The following PCDHA2 variants were observed in gnomAD, a reference collection of about 807,000 sequenced individuals.
PCDHA2 encodes protocadherin alpha 2, also known as protocadherin alpha-2.
In PCDHA2, 58 loss-of-function variants were observed where a neutral mutation model predicts 66.0. That is an observed-to-expected ratio of 0.88 (90% confidence interval 0.71 to 1.09). The LOEUF is 1.09. Ranked by LOEUF, PCDHA2 falls within the 50% of genes least tolerant of loss-of-function variation. The pLI is 0.00. For missense variants in PCDHA2, 1,267 were observed against 1,242.3 expected, an observed-to-expected ratio of 1.02 and a Z score of -0.30; for synonymous variants, 634 against 554.0, an observed-to-expected ratio of 1.14 and a Z score of -2.03.
At chr5:140,990,025 T>C (rs2097371572) in intron 3 of PCDHA2, among the ~76,000 whole-genome samples, 1 of 151,914 alleles carries the variant, frequency 6.6e-6, no homozygotes, top group African/African-American at 2.4e-5. Flanking sequence ...AGGCAAAGGA[T>C]GGGAGAAGTC....
intron 1 of PCDHA2, among the ~76,000 whole-genome samples, chr5:140,924,429 A>G (rs1331551212): frequency 6.6e-6 from 1 of 152,184 alleles, no homozygotes; most frequent in Non-Finnish European, 1.5e-5. Flanking sequence ...CTAGTTCCCT[A>G]GAAGAGATAA....
chr5:140,796,927 G>T lies in PCDHA2; in HGVS notation c.1963G>T (p.Gly655Cys), dbSNP rs1246364353. The T allele has an allele frequency of 6.2e-7, 1 of 1,613,830 alleles. No homozygotes were observed. Among genetic ancestry groups the T allele is most frequent in the Non-Finnish European group, 8.5e-7 (1 of 1,179,992 alleles). ...HRLLVLVKDH[G>C]EPALTATATV... is the part of the protein sequence containing the mutation. The stretch of plus-strand genomic sequence containing the variant: ...CCTACTCGTGCTGGTGAAGGACCAC[G>T]GCGAACCAGCGTTGACAGCCACGGC... Residue 655 changes from glycine to cysteine, a missense_variant, in exon 1 of 4, where the codon GGC (glycine) becomes TGC (cysteine). Coordinates refer to ENST00000526136, the MANE Select transcript of PCDHA2 (RefSeq NM_018905.3).
chr5:140,908,492 T>G (rs1241563422), intron 1 of PCDHA2, among the ~76,000 whole-genome samples: 3 of 152,226 alleles, frequency 2.0e-5, no homozygotes, highest in African/African-American at 7.2e-5. Context: ...CAGTTCAGGT[T>G]GCTTGGTGAC....
intron 1 of PCDHA2, chr5:140,803,085 G>A: frequency 6.2e-7 from 1 of 1,613,924 alleles, no homozygotes; most frequent in African/African-American, 1.3e-5. Context: ...GTACACGGGA[G>A]AGATCAGCAC....
At chr5:140,983,171 C>T (rs1371766725) in intron 3 of PCDHA2, among the ~76,000 whole-genome samples, 2 of 152,136 alleles carry the variant, frequency 1.3e-5, no homozygotes, top group Non-Finnish European at 2.9e-5. Flanking sequence ...AACATGACCG[C>T]CTCACAATTT....
intron 1 of PCDHA2, among the ~76,000 whole-genome samples, chr5:140,903,405 G>A (rs2070271184): frequency 6.6e-6 from 1 of 152,184 alleles, no homozygotes; most frequent in Non-Finnish European, 1.5e-5. Flanking sequence ...CAGTAGTGCA[G>A]TCAGGAAAAA....
chr5:140,928,288 C>T (rs541893248), intron 1 of PCDHA2: 37 of 1,614,156 alleles, frequency 2.3e-5, no homozygotes, highest in East Asian at 4.5e-5. Flanking sequence ...CTCTCTAGGC[C>T]GAGTGTTTGC....
At position 140,852,858 on chromosome 5, in the gene PCDHA2, A is replaced by G; in HGVS notation, c.2388+55506A>G. ...TAGAGCTAGTACTTACTAAGCATTT[A>G]CTATGTCATCAATAATCATAAAACG... On this transcript the variant is annotated intron_variant, in intron 1 of 3. Transcript: ENST00000526136. 4 of 962,678 alleles carry G rather than the reference A, an allele frequency of 4.2e-6. 1 individual carries two copies. The highest frequency in any genetic ancestry group is 5.0e-6 in the Non-Finnish European group (4 of 796,824). The allele number at this position is 962,678 out of a possible 1,614,324, so 59.6% of individuals were successfully genotyped here. A position where few individuals can be genotyped will look rare whatever the true frequency, so the allele number is the denominator to read the frequency against.
intron 1 of PCDHA2, chr5:140,929,151 T>C: frequency 6.2e-7 from 1 of 1,614,202 alleles, no homozygotes; most frequent in East Asian, 2.2e-5. Context: ...TTTCTCAGAC[T>C]TATCTCTATC....
At chr5:140,960,511 C>T (rs2153725482) in intron 1 of PCDHA2, among the ~76,000 whole-genome samples, 1 of 152,156 alleles carries the variant, frequency 6.6e-6, no homozygotes, top group East Asian at 1.9e-4. Context: ...AAGCAGCAAA[C>T]ATAATGGGTA....
At chr5:140,914,290 T>A (rs1412561039) in intron 1 of PCDHA2, among the ~76,000 whole-genome samples, 1 of 152,200 alleles carries the variant, frequency 6.6e-6, no homozygotes, top group Non-Finnish European at 1.5e-5. Context: ...AATTGTTATA[T>A]CCTCTTGCTG....
intron 1 of PCDHA2, chr5:140,835,681 C>T (rs2150132521): frequency 6.2e-7 from 1 of 1,613,918 alleles, no homozygotes; most frequent in Non-Finnish European, 8.5e-7. Flanking sequence ...GGGGGCTCGC[C>T]TTCTCTGTGG....
In PCDHA2 at chr5:140,872,848, A is replaced by G. The variant is rs531539520; in HGVS notation, c.2388+75496A>G. ...AGCAGAGAAAAAATTAAATATATTA[A>G]TGTGAGTACCTACTGACAATTATCA... On this transcript the variant is annotated intron_variant, in intron 1 of 3. Transcript: ENST00000526136. Among the ~76,000 whole-genome samples the G allele has an allele frequency of 3.3e-5, 5 of 152,332 alleles. No individual in the cohort carries two copies. The South Asian group carries it at 1.0e-3, about 32-fold the overall frequency.
rs1554204719 is a variant in PCDHA2, at chr5:140,927,550, A to G, written c.2389-51399A>G. 4.3e-6 allele frequency: 7 copies of G among 1,614,020 alleles called. No homozygotes were observed. In the Admixed American group the frequency reaches 8.3e-5, roughly 19 times the overall value. ...TGCCCGCTCAGGAGACGCACAAGTC[A>G]CCATCATTGTGGTGGACACAAATGA... On this transcript the variant is annotated intron_variant, in intron 1 of 3. Coordinates refer to ENST00000526136, the MANE Select transcript of PCDHA2 (RefSeq NM_018905.3).
At chr5:140,928,115 T>A (rs2084949063) in intron 1 of PCDHA2, 1 of 1,614,164 alleles carries the variant, frequency 6.2e-7, no homozygotes, top group East Asian at 2.2e-5. Flanking sequence ...CGGGAGCAGA[T>A]CAGTGAATAC....
At position 140,858,811 on chromosome 5, in the gene PCDHA2, T is replaced by A. The variant is rs2045603382; in HGVS notation, c.2388+61459T>A. The A allele has an allele frequency of 1.4e-5, 5 of 354,112 alleles. No homozygotes were observed. The South Asian group carries it at 1.7e-4, about 12-fold the overall frequency. The allele number at this position is 354,112 out of a possible 1,614,324, so 21.9% of individuals were successfully genotyped here. A position where few individuals can be genotyped will look rare whatever the true frequency, so the allele number is the denominator to read the frequency against. ...TTTCATTTCCAATCTAAATTTTGAT[T>A]TGATTGTATTTGCATTACCAAAAAA... On this transcript the variant is annotated intron_variant, in intron 1 of 3. Transcript: ENST00000526136.
chr5:141,001,130 T>C (rs1233424080), intron 3 of PCDHA2, among the ~76,000 whole-genome samples: 1 of 152,036 alleles, frequency 6.6e-6, no homozygotes, highest in African/African-American at 2.4e-5. Context: ...CTTAAACAAA[T>C]GAATCTTCTG....
intron 1 of PCDHA2, among the ~76,000 whole-genome samples, chr5:140,895,352 G>A (rs1322887367): frequency 7.9e-5 from 12 of 151,916 alleles, no homozygotes; most frequent in African/African-American, 2.9e-4. Flanking sequence ...GCTTTCCAGT[G>A]AGTACTTATT....
intron 1 of PCDHA2, among the ~76,000 whole-genome samples, chr5:140,974,144 A>G (rs868918794): frequency 5.9e-5 from 9 of 152,268 alleles, no homozygotes; most frequent in African/African-American, 1.7e-4. Context: ...CCTGAAAACT[A>G]TACAAGGGTT....
Sources: allele counts gnomAD v4.1 joint callset (sites outside exome capture counted in the v4.1 genomes callset), GRCh38; gene constraint gnomAD v4.1.1; transcripts MANE v1.5; gene names NCBI Gene and HGNC (gene_info 2026-07-23, HGNC 2026-07-21).